The following PAPPA2 variants were observed in gnomAD, a reference collection of about 807,000 sequenced individuals.
PAPPA2 encodes pappalysin-2.
In PAPPA2, 86 loss-of-function variants were observed where a neutral mutation model predicts 176.4. That is an observed-to-expected ratio of 0.49 (90% confidence interval 0.41 to 0.58). PAPPA2 has a LOEUF of 0.58. Among genes scored for constraint, PAPPA2 ranks in the 20% least tolerant of loss-of-function variants. The pLI is 0.00. For missense variants in PAPPA2, 2,073 were observed against 2,256.9 expected (o/e 0.92, Z 1.65); for synonymous variants, 809 against 852.2 (o/e 0.95, Z 0.88).
At chr1:176,818,983 T>C (rs1467489800) in intron 21 of PAPPA2, among the ~76,000 whole-genome samples, 1 of 152,212 alleles carries the variant, frequency 6.6e-6, no homozygotes, top group Non-Finnish European at 1.5e-5. Context: ...TGTAGAGTTA[T>C]TTGTTATGCT....
chr1:176,496,695 CG>C (rs1275047485), intron 1 of PAPPA2, among the ~76,000 whole-genome samples: 1 of 152,084 alleles, frequency 6.6e-6, no homozygotes, highest in East Asian at 1.9e-4. Context: ...TGATGAGCCA[CG>C]GGAATCTAGG....
intron 10 of PAPPA2, among the ~76,000 whole-genome samples, chr1:176,707,688 T>G (rs2102829682): frequency 6.6e-6 from 1 of 152,244 alleles, no homozygotes; most frequent in East Asian, 1.9e-4. Context: ...CAGAACGTTT[T>G]AATGACTCAT....
chr1:176,628,632 A>G (rs1327976978), intron 3 of PAPPA2, among the ~76,000 whole-genome samples: 2 of 152,236 alleles, frequency 1.3e-5, no homozygotes, highest in East Asian at 3.8e-4. Context: ...CTGAGCATAT[A>G]CAGGTACATG....
chr1:176,839,919 T>C (rs1667419999), intron 21 of PAPPA2, among the ~76,000 whole-genome samples: 1 of 152,166 alleles, frequency 6.6e-6, no homozygotes, highest in Non-Finnish European at 1.5e-5. Flanking sequence ...TCAAAGAGTT[T>C]AAATGACGTA....
intron 1 of PAPPA2, among the ~76,000 whole-genome samples, chr1:176,508,202 A>G (rs1572981843): frequency 6.6e-6 from 1 of 152,354 alleles, no homozygotes; most frequent in East Asian, 1.9e-4. Context: ...TCCATCATTC[A>G]AAACATAAAA....
rs571071709 is a variant in PAPPA2 at position 176,671,346 on chromosome 1, G to A, written c.2137+231G>A. 2.0e-5 allele frequency among the ~76,000 whole-genome samples: 3 copies of A among 152,314 alleles called. No individual in the cohort carries two copies. In the East Asian group the frequency reaches 5.8e-4, roughly 29 times the overall value. ...GCAAATGCTCAGGATGTTCTAGACT[G>A]AATCTATAATTTAGATGCAAATAAA... On this transcript the variant is annotated intron_variant, in intron 4 of 22. Coordinates refer to ENST00000367662, the MANE Select transcript of PAPPA2 (RefSeq NM_020318.3).
chr1:176,500,709 A>G (rs1022938737), intron 1 of PAPPA2, among the ~76,000 whole-genome samples: 1 of 151,776 alleles, frequency 6.6e-6, no homozygotes, highest in African/African-American at 2.4e-5. Flanking sequence ...GTCGTGCAAT[A>G]AGTCAAATAC....
intron 5 of PAPPA2, 23 bp downstream of exon 5, chr1:176,690,453 T>A (rs1448207366): frequency 6.2e-7 from 1 of 1,606,996 alleles, no homozygotes; most frequent in Admixed American, 1.7e-5. Context: ...TCTTGTTTTG[T>A]TTTCTGTTAA....
intron 14 of PAPPA2, among the ~76,000 whole-genome samples, chr1:176,753,249 T>G (rs1663262860): frequency 6.6e-6 from 1 of 152,218 alleles, no homozygotes; most frequent in Admixed American, 6.5e-5. Flanking sequence ...AGCTCAGTAC[T>G]TTGCCATTCC....
chr1:176,689,932 T>C lies in PAPPA2; in HGVS notation c.2138-205T>C, dbSNP rs534995420. Among the ~76,000 whole-genome samples the C allele has an allele frequency of 5.0e-4, 76 of 152,226 alleles. 1 individual carries two copies. Among genetic ancestry groups the C allele is most frequent in the African/African-American group, 1.8e-3 (73 of 41,524 alleles). ...GGGCCTCTAGTATAACACTCACCCA[T>C]GTAGAGGATAAAGAAATGTGTATTA... is the stretch of plus-strand genomic sequence containing the variant. On this transcript the variant is annotated intron_variant, in intron 4 of 22. Coordinates refer to ENST00000367662, the MANE Select transcript of PAPPA2 (RefSeq NM_020318.3).
intron 3 of PAPPA2, among the ~76,000 whole-genome samples, chr1:176,649,940 G>A (rs1311180498): frequency 6.6e-6 from 1 of 151,548 alleles, no homozygotes; most frequent in Non-Finnish European, 1.5e-5. Flanking sequence ...ATTTAACTCT[G>A]ATGTTTCTTT....
intron 3 of PAPPA2, among the ~76,000 whole-genome samples, chr1:176,641,825 G>T (rs1271748639): frequency 6.6e-6 from 1 of 151,796 alleles, no homozygotes; most frequent in African/African-American, 2.4e-5. Context: ...TCATCAACTT[G>T]GTCTTAATGA....
chr1:176,596,330 A>G (rs1179715409), intron 3 of PAPPA2, among the ~76,000 whole-genome samples: 1 of 152,128 alleles, frequency 6.6e-6, no homozygotes, highest in Non-Finnish European at 1.5e-5. Context: ...ATCACCACCT[A>G]TATAGCACAG....
intron 2 of PAPPA2, among the ~76,000 whole-genome samples, chr1:176,564,678 G>A (rs759628576): frequency 4.6e-5 from 7 of 150,662 alleles, no homozygotes; most frequent in Non-Finnish European, 8.9e-5. Context: ...TAGTTTCTTG[G>A]TATGAGCATT....
rs150448733 is a variant in PAPPA2, at chr1:176,563,893, CTTTGGCTGGAGGACTCAAAAAGGCCT to C, written c.919+6654_919+6679del. On this transcript the variant is annotated intron_variant, in intron 2 of 22. Coordinates refer to ENST00000367662, the MANE Select transcript of PAPPA2 (RefSeq NM_020318.3). ...CCAGTTCCTGAGAGACAGTCATTGA[CTTTGGCTGGAGGACTCAAAAAGGCCT>C]TGCAGGAAATTCCTTAGACTGCACT... Among the ~76,000 whole-genome samples the C allele has an allele frequency of 2.4e-3, 365 of 152,288 alleles. 1 individual carries two copies. The highest frequency in any genetic ancestry group is 7.5e-3 in the African/African-American group (310 of 41,570).
At chr1:176,768,526 C>A (rs1664078498) in intron 15 of PAPPA2, among the ~76,000 whole-genome samples, 1 of 152,158 alleles carries the variant, frequency 6.6e-6, no homozygotes, top group Non-Finnish European at 1.5e-5. Context: ...ATATAACAAA[C>A]CAAAATGTAG....
intron 3 of PAPPA2, among the ~76,000 whole-genome samples, chr1:176,636,020 A>G (rs1263122458): frequency 6.6e-6 from 1 of 151,966 alleles, no homozygotes; most frequent in Non-Finnish European, 1.5e-5. Flanking sequence ...CAATTCTGAA[A>G]CCAGGGCATC....
intron 3 of PAPPA2, among the ~76,000 whole-genome samples, chr1:176,641,386 C>T (rs991490998): frequency 6.6e-6 from 1 of 151,500 alleles, no homozygotes; most frequent in South Asian, 2.1e-4. Context: ...AGGAAGGGAT[C>T]CAGTTTCAGC....
intron 1 of PAPPA2, among the ~76,000 whole-genome samples, chr1:176,504,585 G>A (rs1392858056): frequency 7.2e-5 from 11 of 152,072 alleles, no homozygotes; most frequent in Admixed American, 1.3e-4. Context: ...GCTTAGCTGC[G>A]TTCCCTGATG....
Sources: gnomAD v4.1 joint callset for allele counts (sites outside exome capture counted in the v4.1 genomes callset) on GRCh38, gnomAD v4.1.1 for gene constraint, MANE v1.5 for transcripts, NCBI Gene and HGNC (gene_info 2026-07-23, HGNC 2026-07-21) for gene names.